Variants in FAM149B1 observed in about 807,000 individuals in gnomAD.
The protein encoded by FAM149B1 is primary cilium assembly protein FAM149B1.
Under a neutral mutation model 75.3 loss-of-function variants are expected in FAM149B1, and 56 were observed. The observed-to-expected ratio is 0.74, with a 90% CI of 0.60 to 0.93. The LOEUF (loss-of-function observed/expected upper bound fraction) is 0.93. Among genes scored for constraint, FAM149B1 ranks in the 40% least tolerant of loss-of-function variants. The pLI is 0.00. For synonymous variants in FAM149B1, 259 were observed against 256.1 expected, an observed-to-expected ratio of 1.01 and a Z score of -0.11; for missense variants, 639 against 708.4, an observed-to-expected ratio of 0.90 and a Z score of 1.11.
chr10:73,187,689 A>G (rs986192754), intron 3 of FAM149B1, among the ~76,000 whole-genome samples: 4 of 152,086 alleles, frequency 2.6e-5, no homozygotes, highest in Non-Finnish European at 5.9e-5. Flanking sequence ...AGATCGCACC[A>G]TTGCACTCCA....
rs538113993 is a variant in FAM149B1 at position 73,219,994 on chromosome 10, A to C, written c.899-8066A>C. Among the ~76,000 whole-genome samples, 23 of 151,872 alleles carry C rather than the reference A, an allele frequency of 1.5e-4. No individual in the cohort carries two copies. In the South Asian group the frequency reaches 4.8e-3, roughly 32 times the overall value. ...GTGAAATGGGAGAAAATATTTAGAAATCATATAACTGATAAGCATCTAGTA... is the reference window on the plus strand; with the variant it reads ...GTGAAATGGGAGAAAATATTTAGAACTCATATAACTGATAAGCATCTAGTA... On this transcript the variant is annotated intron_variant, in intron 7 of 13. Transcript: ENST00000242505.
intron 5 of FAM149B1, among the ~76,000 whole-genome samples, chr10:73,194,466 C>T (rs1236099098): frequency 6.6e-6 from 1 of 151,904 alleles, no homozygotes; most frequent in Non-Finnish European, 1.5e-5. Flanking sequence ...AGTCTTGGCT[C>T]ACTGCAACCT....
intron 7 of FAM149B1, among the ~76,000 whole-genome samples, chr10:73,225,216 T>A (rs969019039): frequency 6.6e-6 from 1 of 152,244 alleles, no homozygotes; most frequent in Non-Finnish European, 1.5e-5. Context: ...CCATGTCTTT[T>A]AAAGTTAACT....
intron 8 of FAM149B1, among the ~76,000 whole-genome samples, chr10:73,229,920 G>A (rs543296519): frequency 3.3e-5 from 5 of 152,272 alleles, no homozygotes; most frequent in African/African-American, 9.6e-5. Flanking sequence ...AATTAGAACA[G>A]ATAAGCTTAC....
chr10:73,217,862 T>C (rs2043330979), intron 7 of FAM149B1, among the ~76,000 whole-genome samples: 1 of 152,210 alleles, frequency 6.6e-6, no homozygotes, highest in African/African-American at 2.4e-5. Context: ...CAATGATTCA[T>C]GTTCTCCCAC....
At chr10:73,234,669 T>G (rs1338366968) in intron 10 of FAM149B1, 148 bp from the exon 11 acceptor site, 3 of 853,022 alleles carry the variant, frequency 3.5e-6, no homozygotes, top group African/African-American at 3.4e-5. Flanking sequence ...CCAAAAATCC[T>G]GAGATCTCTA....
intron 1 of FAM149B1, among the ~76,000 whole-genome samples, chr10:73,170,712 T>C (rs1564673993): frequency 6.6e-6 from 1 of 152,164 alleles, no homozygotes; most frequent in Non-Finnish European, 1.5e-5. Flanking sequence ...TGGTAGCAGT[T>C]TAGTTCCTAG....
chr10:73,234,059 A>AC (rs2043768524), intron 10 of FAM149B1: 2 of 152,224 alleles, frequency 1.3e-5, no homozygotes, highest in Admixed American at 1.3e-4. Context: ...TTAAACATAG[A>AC]ATTCTTTTAG....
intron 3 of FAM149B1, among the ~76,000 whole-genome samples, chr10:73,178,818 G>A (rs1171331959): frequency 6.6e-6 from 1 of 152,082 alleles, no homozygotes; most frequent in Non-Finnish European, 1.5e-5. Context: ...GATGAGATGA[G>A]TGATTTTTAC....
intron 5 of FAM149B1, among the ~76,000 whole-genome samples, chr10:73,195,212 G>T (rs1328001615): frequency 1.3e-5 from 2 of 151,444 alleles, no homozygotes; most frequent in African/African-American, 4.9e-5. Flanking sequence ...CTTACTTTTG[G>T]TGCCTCCTTG....
At chr10:73,209,018 AT>A in intron 6 of FAM149B1, among the ~76,000 whole-genome samples, 1 of 152,144 alleles carries the variant, frequency 6.6e-6, no homozygotes, top group Non-Finnish European at 1.5e-5. Context: ...GAGATTAGAG[AT>A]TTTAAAATAA....
intron 8 of FAM149B1, among the ~76,000 whole-genome samples, chr10:73,228,717 C>T (rs1302408202): frequency 6.6e-6 from 1 of 152,056 alleles, no homozygotes; most frequent in South Asian, 2.1e-4. Context: ...TGTGCCTCAG[C>T]CCCCTGAGTA....
In FAM149B1 at chr10:73,168,356, C is replaced by T; in HGVS notation, c.17C>T (p.Thr6Ile). The change falls in exon 1 of 14, where the codon ACT becomes ATT. Residue 6 changes from threonine (T) to isoleucine (I), a missense_variant. Thr to Ile is a moderately conservative substitution (Grantham distance 89, BLOSUM62 -1). Transcript: ENST00000242505. MISRY[T>I]RKAVPQSLEL... ...AGGAGGAGGATGATCTCCAGATACA[C>T]TCGGAAGGCGGTGCCACAGAGCTTG... 1 of 1,550,018 alleles carries T rather than the reference C, an allele frequency of 6.5e-7. No individual in the cohort carries two copies. Among genetic ancestry groups the T allele is most frequent in the South Asian group, 1.2e-5 (1 of 83,990 alleles).
intron 6 of FAM149B1, among the ~76,000 whole-genome samples, 158 bp from the exon 7 acceptor site, chr10:73,210,093 A>G (rs1002821842): frequency 6.6e-6 from 1 of 152,010 alleles, no homozygotes; most frequent in Non-Finnish European, 1.5e-5. Context: ...AATTACTTCT[A>G]TTTTCTATTT....
intron 6 of FAM149B1, among the ~76,000 whole-genome samples, chr10:73,209,137 C>T (rs1195000547): frequency 6.6e-6 from 1 of 152,260 alleles, no homozygotes; most frequent in African/African-American, 2.4e-5. Flanking sequence ...ACTTTGTTTA[C>T]ATAAATTCTG....
At chr10:73,222,368 G>C (rs1017907405) in intron 7 of FAM149B1, among the ~76,000 whole-genome samples, 2 of 152,064 alleles carry the variant, frequency 1.3e-5, no homozygotes, top group African/African-American at 4.8e-5. Flanking sequence ...CTGGAGAGTG[G>C]GAACAGGCAG....
At chr10:73,200,822 T>C in intron 5 of FAM149B1, 1 of 504,856 alleles carries the variant, frequency 2.0e-6, no homozygotes, top group Non-Finnish European at 4.0e-6. Flanking sequence ...CAAGGCACCA[T>C]TAAACAGGCT....
intron 1 of FAM149B1, 65 bp downstream of exon 1, chr10:73,168,451 C>CCGA (rs1843549745): frequency 6.5e-6 from 10 of 1,529,380 alleles, no homozygotes; most frequent in Non-Finnish European, 8.8e-6. Context: ...CCCTCCTTGA[C>CCGA]CAGTCCTTCG....
intron 3 of FAM149B1, 133 bp downstream of exon 3, chr10:73,178,108 A>T (rs1482142721): frequency 7.4e-6 from 7 of 946,116 alleles, no homozygotes; most frequent in Non-Finnish European, 1.1e-5. Context: ...ATAACTGTAA[A>T]GAAGTATCAG....
Sources: gnomAD v4.1 joint callset for allele counts (sites outside exome capture counted in the v4.1 genomes callset) on GRCh38, gnomAD v4.1.1 for gene constraint, MANE v1.5 for transcripts, NCBI Gene and HGNC (gene_info 2026-07-23, HGNC 2026-07-21) for gene names.